Variants in FUBP3 observed in about 807,000 individuals in gnomAD.
FUBP3 encodes the protein far upstream element-binding protein 3.
Under a neutral mutation model 85.6 loss-of-function variants are expected in FUBP3, and 28 were observed. That is an observed-to-expected ratio of 0.33 (90% CI 0.24 to 0.45). The LOEUF (loss-of-function observed/expected upper bound fraction) is 0.45, where lower values mean the gene tolerates loss of function less well. Among genes scored for constraint, FUBP3 ranks in the 20% least tolerant of loss-of-function variants. The pLI, the probability that FUBP3 is intolerant of heterozygous loss-of-function variation, is 1.00. For synonymous variants in FUBP3, 271 were observed against 271.4 expected, an observed-to-expected ratio of 1.00 and a Z score of 0.01; for missense variants, 583 against 755.1, an observed-to-expected ratio of 0.77 and a Z score of 2.67.
At position 130,638,188 on chromosome 9, in the gene FUBP3, C is replaced by T. The variant is rs997076283; in HGVS notation, c.*1166C>T. Reference sequence around the variant, plus strand: ...AAGTTACAGTTTCTGGTTTTTTCTCCTTATTTTTCTTATAATGCTTGAAAT... The same window carrying T: ...AAGTTACAGTTTCTGGTTTTTTCTCTTTATTTTTCTTATAATGCTTGAAAT... On this transcript the variant is annotated 3_prime_UTR_variant, in exon 19 of 19. Transcript: ENST00000319725. 1 of 152,444 alleles carries T rather than the reference C, an allele frequency of 6.6e-6. No homozygotes were observed. Among genetic ancestry groups the T allele is most frequent in the African/African-American group, 2.4e-5 (1 of 41,386 alleles). The allele number at this position is 152,444 out of a possible 1,614,324, so 9.4% of individuals were successfully genotyped here.
At position 130,591,965 on chromosome 9, in the gene FUBP3, C is replaced by T. The variant is rs549409990; in HGVS notation, c.85-3518C>T. Among the ~76,000 whole-genome samples, 51 of 152,354 alleles carry T rather than the reference C, an allele frequency of 3.3e-4. 1 individual carries two copies. The highest frequency in any genetic ancestry group is 6.8e-3 in the Middle Eastern group (2 of 292). On this transcript the variant is annotated intron_variant, in intron 1 of 18. Transcript: ENST00000319725. ...AAGAGAAAAGGGCCAGGCGCAGTGG[C>T]TTACGCCTGTAATCTCAGCACTTTG...
intron 6 of FUBP3, 39 bp downstream of exon 6, chr9:130,614,384 C>T (rs1396343141): frequency 1.5e-6 from 2 of 1,301,468 alleles, no homozygotes; most frequent in Non-Finnish European, 2.2e-6. Context: ...CACTCTTCTT[C>T]CTCCTTCCCC....
intron 9 of FUBP3, among the ~76,000 whole-genome samples, chr9:130,621,479 C>G (rs578077398): frequency 6.6e-6 from 1 of 152,312 alleles, no homozygotes; most frequent in African/African-American, 2.4e-5. Flanking sequence ...GATAACAAGT[C>G]CAGCCCAGGT....
At chr9:130,622,230 A>G (rs1308196136) in intron 9 of FUBP3, among the ~76,000 whole-genome samples, 1 of 149,302 alleles carries the variant, frequency 6.7e-6, no homozygotes, top group Non-Finnish European at 1.5e-5. Context: ...AGGCTGAGGC[A>G]GGGAGAACTG....
Position 130,620,413 on chromosome 9 carries a change from T to C in FUBP3, c.726T>C (p.Gly242=), listed in dbSNP as rs1287771696. The change falls in exon 9 of 19, where the codon GGT becomes GGC. Residue 242 remains glycine, a synonymous_variant. Transcript: ENST00000319725. ...AAAAAGACCAAGCTGACTTTCGGGG[T>C]GTACGCGGCGATTTCAACTCTCGAA... The part of the protein sequence containing the change: ...IREKDQADFR[G]VRGDFNSRMG... The C allele has an allele frequency of 3.1e-6, 5 of 1,605,086 alleles. No homozygotes were observed. In the Admixed American group the frequency reaches 5.1e-5, roughly 16 times the overall value.
At chr9:130,617,701 C>A (rs944583494) in intron 7 of FUBP3, 96 bp from the exon 8 acceptor site, 19 of 824,806 alleles carry the variant, frequency 2.3e-5, no homozygotes, top group Admixed American at 2.3e-4. Flanking sequence ...GTGGGATGTG[C>A]GCTTATTGTG....
At chr9:130,626,622 C>G in intron 12 of FUBP3, 117 bp downstream of exon 12, 1 of 1,065,724 alleles carries the variant, frequency 9.4e-7, no homozygotes, top group South Asian at 1.5e-5. Flanking sequence ...CTGGGGCTGC[C>G]CGGTCTGGAG....
chr9:130,630,934 G>A (rs997296460), intron 13 of FUBP3, 146 bp downstream of exon 13: 12 of 672,756 alleles, frequency 1.8e-5, no homozygotes, highest in Middle Eastern at 3.1e-4. Flanking sequence ...CTGCTTTGCC[G>A]AAGGGGAGGG....
chr9:130,601,273 A>G (rs1015370356), intron 2 of FUBP3, among the ~76,000 whole-genome samples: 1 of 152,212 alleles, frequency 6.6e-6, no homozygotes, highest in African/African-American at 2.4e-5. Flanking sequence ...CAACTGCCCT[A>G]ACCACCTGAA....
intron 2 of FUBP3, among the ~76,000 whole-genome samples, chr9:130,607,287 T>C (rs1054308452): frequency 2.6e-5 from 4 of 152,056 alleles, no homozygotes; most frequent in Admixed American, 2.6e-4. Flanking sequence ...TCCTTTTTTT[T>C]TTTTTTTAAG....
Position 130,616,652 on chromosome 9 carries a change from C to A in FUBP3, c.567+135C>A. 1 of 755,122 alleles carries A rather than the reference C, an allele frequency of 1.3e-6. No individual in the cohort carries two copies. Among genetic ancestry groups the A allele is most frequent in the East Asian group, 2.6e-5 (1 of 37,756 alleles). 46.8% of individuals were successfully genotyped at this position (755,122 alleles called of 1,614,324 possible). On this transcript the variant is annotated intron_variant, in intron 7 of 18. Coordinates refer to ENST00000319725, the MANE Select transcript of FUBP3 (RefSeq NM_003934.2). This position sits in a 1 kb window ranked among gnomAD's most constrained non-coding sequence, Gnocchi z 4.7. ...GCAGCATTGTGCTGAGGCTTCCTTC[C>A]TCCATTTGACAGACAGCTTCTGAAC...
At chr9:130,631,203 GAGGACAGA>G in intron 13 of FUBP3, 1 of 1,191,012 alleles carries the variant, frequency 8.4e-7, no homozygotes, top group Non-Finnish European at 1.0e-6. Context: ...AGTGTTGATG[GAGGACAGA>G]TGGGCCACTG....
Position 130,630,766 on chromosome 9 carries a change from A to T in FUBP3, c.1256A>T (p.Gln419Leu). The change falls in exon 13 of 19, where the codon CAG becomes CTG. Residue 419 changes from glutamine (Q) to leucine (L), a missense_variant. Transcript: ENST00000319725. ...GVPQQIEVAR[Q>L]LIDEKVGGTN... Reference sequence around the variant, plus strand: ...CCCCAGCAGATCGAGGTGGCCAGGCAGCTCATAGATGAGAAAGTTGGCGTA... The same window carrying T: ...CCCCAGCAGATCGAGGTGGCCAGGCTGCTCATAGATGAGAAAGTTGGCGTA... 6.6e-7 allele frequency: 1 copy of T among 1,521,438 alleles called. No homozygotes were observed. Among genetic ancestry groups the T allele is most frequent in the Non-Finnish European group, 8.8e-7 (1 of 1,136,662 alleles). The allele number at this position is 1,521,438 out of a possible 1,614,324, so 94.2% of individuals were successfully genotyped here.
chr9:130,620,249 G>A (rs1829692019), intron 8 of FUBP3, 105 bp from the exon 9 acceptor site: 8 of 626,418 alleles, frequency 1.3e-5, no homozygotes, highest in South Asian at 2.0e-5. Flanking sequence ...ACAGCTGAGC[G>A]CCTTTAAACC....
intron 7 of FUBP3, among the ~76,000 whole-genome samples, chr9:130,617,401 G>A (rs911775414): frequency 6.6e-6 from 1 of 152,096 alleles, no homozygotes; most frequent in Non-Finnish European, 1.5e-5. Context: ...GTTTTGGTCC[G>A]CCACTCATTA....
chr9:130,596,319 CTG>C (rs1332366050), intron 2 of FUBP3, among the ~76,000 whole-genome samples: 2 of 152,162 alleles, frequency 1.3e-5, no homozygotes, highest in East Asian at 1.9e-4. Flanking sequence ...GGTGTCTTCT[CTG>C]TGTTCTTTTT....
chr9:130,620,384 C>G lies in FUBP3; in HGVS notation c.697C>G (p.Arg233Gly). ...QAREMVLEII[R>G]EKDQADFRGV... ...AAGAGAAATGGTACTAGAGATTATC[C>G]GAGAAAAAGACCAAGCTGACTTTCG... The change falls in exon 9 of 19, where the codon CGA becomes GGA. Residue 233 changes from arginine to glycine, a missense_variant. This residue lies in a region of FUBP3 where 404 missense variants were observed against 516.8 expected (regional missense o/e 0.78). Coordinates refer to ENST00000319725, the MANE Select transcript of FUBP3 (RefSeq NM_003934.2). The G allele has an allele frequency of 1.2e-6, 2 of 1,602,104 alleles. No individual in the cohort carries two copies. The highest frequency in any genetic ancestry group is 1.7e-6 in the Non-Finnish European group (2 of 1,173,084).
intron 8 of FUBP3, among the ~76,000 whole-genome samples, chr9:130,618,988 C>G (rs1438706979): frequency 6.6e-6 from 1 of 152,222 alleles, no homozygotes. Context: ...GAGCTCCCAG[C>G]CTTCTCTCAG....
intron 12 of FUBP3, 33 bp from the exon 13 acceptor site, chr9:130,630,595 C>T: frequency 6.5e-7 from 1 of 1,539,258 alleles, no homozygotes. Context: ...GCAGTCTCTG[C>T]TTACTCTTCT....
Sources: gnomAD v4.1 joint callset for allele counts (sites outside exome capture counted in the v4.1 genomes callset) on GRCh38, gnomAD v4.1.1 for gene constraint, gnomAD v4.1.1 regional missense constraint, Gnocchi (gnomAD v3.1) non-coding constraint, MANE v1.5 for transcripts, NCBI Gene and HGNC (gene_info 2026-07-23, HGNC 2026-07-21) for gene names.